CDC25B: variants seen among roughly 807,000 people sequenced by gnomAD.
CDC25B encodes cell division cycle 25B, also known as M-phase inducer phosphatase 2.
A neutral mutation model predicts 69.8 loss-of-function variants in CDC25B; 33 were observed. The observed-to-expected ratio is 0.47, with a 90% CI of 0.36 to 0.63. CDC25B has a LOEUF of 0.63. Among genes scored for constraint, CDC25B ranks in the 30% least tolerant of loss-of-function variants. CDC25B has a pLI of 0.00. For missense variants in CDC25B, 727 were observed against 809.1 expected, an observed-to-expected ratio of 0.90 and a Z score of 1.23; for synonymous variants, 341 against 314.6, an observed-to-expected ratio of 1.08 and a Z score of -0.89.
chr20:3,798,387 A>T, intron 2 of CDC25B, 25 bp from the exon 3 acceptor site: 1 of 1,435,044 alleles, frequency 7.0e-7, no homozygotes, highest in Non-Finnish European at 9.2e-7. Context: ...CACTACTTTC[A>T]AACCAAGGTG....
intron 9 of CDC25B, 49 bp downstream of exon 9, chr20:3,801,851 C>T: frequency 6.3e-7 from 1 of 1,583,492 alleles, no homozygotes; most frequent in Non-Finnish European, 8.6e-7. Flanking sequence ...TGGGGTCCAT[C>T]CTACTCTCCA....
At chr20:3,787,027 TTTG>T in exon 1 of CDC25B, 4 of 615,012 alleles carry the variant, frequency 6.5e-6, no homozygotes, top group South Asian at 3.7e-5. Context: ...AGGGTTTTTG[TTTG>T]TTTTTTTTTT....
intron 7 of CDC25B, 72 bp downstream of exon 7, chr20:3,801,165 AC>A: frequency 6.2e-7 from 1 of 1,604,108 alleles, no homozygotes; most frequent in Non-Finnish European, 8.5e-7. Context: ...GTGGCCCTGA[AC>A]CCCCAGGCAC....
chr20:3,796,855 G>T lies in CDC25B; in HGVS notation c.200+124G>T. 4 of 1,279,026 alleles carry T rather than the reference G, an allele frequency of 3.1e-6. No homozygotes were observed. In the South Asian group the frequency reaches 6.3e-5, roughly 20 times the overall value. 79.2% of individuals were successfully genotyped at this position (1,279,026 alleles called of 1,614,324 possible). ...GGAGTCCGGGGAGGCATCCTGAGCA[G>T]TGGAGAGGTACGCCCTTGTTCCCTC... On this transcript the variant is annotated intron_variant, in intron 1 of 15. Transcript: ENST00000245960.
At position 3,800,753 on chromosome 20, in the gene CDC25B, TG is replaced by T; in HGVS notation, c.473del (p.Gly158AlafsTer77). 1 of 1,609,576 alleles carries T rather than the reference TG, an allele frequency of 6.2e-7. No homozygotes were observed. On this transcript the variant is annotated frameshift_variant, in exon 6 of 16. Coordinates refer to ENST00000245960, the MANE Select transcript of CDC25B (RefSeq NM_021873.4). LOFTEE classifies it high-confidence loss of function. ...TGCCTGGCTCTCTAGGTGAGGCTGC[TG>T]GGCCACAGCCCCGTGCTTCGGAACA... ...RRFQSMPVRL[L>X]GHSPVLRNIT...
At position 3,790,549 on chromosome 20, in the gene CDC25B, C is replaced by T. The variant is rs115420254; in HGVS notation, c.8+3410C>T. 6.1e-3 allele frequency among the ~76,000 whole-genome samples: 915 copies of T among 150,518 alleles called. 16 individuals carry two copies. The highest frequency in any genetic ancestry group is 0.021 in the African/African-American group (873 of 41,148). ...AAAAGTTAACATCTCGGGCTGGGCA[C>T]GGTGGCTCACGCCTGTAATCCCAGC... On this transcript the variant is annotated intron_variant, in intron 1 of 15. Transcript: ENST00000344256.
intron 3 of CDC25B, among the ~76,000 whole-genome samples, chr20:3,799,534 G>GCGCGCGCGCGCGCGCGCT (rs1187727448): frequency 4.6e-5 from 7 of 150,888 alleles, no homozygotes; most frequent in African/African-American, 1.7e-4. Context: ...GTGCGCGCGC[G>GCGCGCGCGCGCGCGCGCT]CGCGTAGATG....
intron 5 of CDC25B, 59 bp downstream of exon 5, chr20:3,800,557 G>A (rs1308266124): frequency 1.3e-5 from 20 of 1,599,522 alleles, no homozygotes; most frequent in Non-Finnish European, 1.6e-5. Context: ...TGGGGTAGAT[G>A]AGCAGGATGC....
Position 3,803,046 on chromosome 20 carries a change from C to A in CDC25B, c.1258-62C>A. 1 of 1,589,186 alleles carries A rather than the reference C, an allele frequency of 6.3e-7. No individual in the cohort carries two copies. Among genetic ancestry groups the A allele is most frequent in the Non-Finnish European group, 8.6e-7 (1 of 1,157,348 alleles). On this transcript the variant is annotated intron_variant, in intron 12 of 15. Coordinates refer to ENST00000245960, the MANE Select transcript of CDC25B (RefSeq NM_021873.4). The surrounding 1 kb of genome is among the most constrained non-coding windows in gnomAD (Gnocchi z 4.9). ...ATTGTTGACCTTCCCTGGGGACAGG[C>A]TAGGGCCACCTGCCAGCTGCCAGCC...
upstream of CDC25B, among the ~76,000 whole-genome samples, chr20:3,792,495 C>T (rs1476755966): frequency 6.6e-6 from 1 of 151,312 alleles, no homozygotes; most frequent in Non-Finnish European, 1.5e-5. Context: ...GAGACGGAGT[C>T]TTGCTCTTTT....
At chr20:3,788,372 G>A (rs547624764) in intron 1 of CDC25B, among the ~76,000 whole-genome samples, 42 of 152,256 alleles carry the variant, frequency 2.8e-4, no homozygotes, top group African/African-American at 7.5e-4. Context: ...TGACTTTTAG[G>A]AGCTCTTTAC....
chr20:3,805,360 C>A lies in CDC25B; in HGVS notation c.*399C>A, dbSNP rs1218542030. ...TCCCTGAGGATGGGTCAGAGCTAAACTCCTTCCTGGCCTGAGAGTCAGCTC... is the reference window on the plus strand; with the variant it reads ...TCCCTGAGGATGGGTCAGAGCTAAAATCCTTCCTGGCCTGAGAGTCAGCTC... On this transcript the variant is annotated 3_prime_UTR_variant, in exon 16 of 16. Transcript: ENST00000245960. 7 of 269,972 alleles carry A rather than the reference C, an allele frequency of 2.6e-5. No individual in the cohort carries two copies. Among genetic ancestry groups the A allele is most frequent in the Non-Finnish European group, 3.6e-5 (5 of 140,648 alleles). The allele number at this position is 269,972 out of a possible 1,614,324, so 16.7% of individuals were successfully genotyped here. A position where few individuals can be genotyped will look rare whatever the true frequency, so the allele number is the denominator to read the frequency against.
rs745475188 is a variant in CDC25B, at chr20:3,802,381, C to T, written c.1194+5C>T. 1.3e-6 allele frequency: 2 copies of T among 1,599,772 alleles called. No individual in the cohort carries two copies. Among genetic ancestry groups the T allele is most frequent in the South Asian group, 2.2e-5 (2 of 90,904 alleles). On this transcript the variant is annotated splice_donor_5th_base_variant and intron_variant, in intron 11 of 15. Coordinates refer to ENST00000245960, the MANE Select transcript of CDC25B (RefSeq NM_021873.4). ...CTGATTGGAGATTACTCTAAGGTAC[C>T]TGCAGCAGCGAAGGGGGTACCTTGG... is the stretch of plus-strand genomic sequence containing the variant.
intron 11 of CDC25B, among the ~76,000 whole-genome samples, 156 bp downstream of exon 11, chr20:3,802,532 C>T (rs530134265): frequency 3.3e-5 from 5 of 152,276 alleles, no homozygotes; most frequent in Non-Finnish European, 7.4e-5. Context: ...CACATAGACT[C>T]CTCCCTCTGG....
chr20:3,799,093 G>A (rs1468778809), intron 3 of CDC25B, among the ~76,000 whole-genome samples: 1 of 152,214 alleles, frequency 6.6e-6, no homozygotes. Flanking sequence ...AGTTGTTAAA[G>A]CCCAAGCAGC....
Position 3,801,068 on chromosome 20 carries a change from G to A in CDC25B, c.680G>A (p.Arg227Lys). Residue 227 changes from arginine to lysine, a missense_variant, in exon 7 of 16, where the codon AGA (arginine) becomes AAA (lysine). Physicochemically the swap from Arg to Lys is conservative, Grantham distance 26 (BLOSUM62 2). Coordinates refer to ENST00000245960, the MANE Select transcript of CDC25B (RefSeq NM_021873.4). ...WASRREAFAQ[R>K]PSSAPDLMCL... is the part of the protein sequence containing the mutation. Reference sequence around the variant, plus strand: ...AGCCGCAGGGAAGCCTTTGCCCAGAGACCCAGCTCGGCCCCCGACCTGATG... The same window carrying A: ...AGCCGCAGGGAAGCCTTTGCCCAGAAACCCAGCTCGGCCCCCGACCTGATG... The A allele has an allele frequency of 6.2e-7, 1 of 1,614,074 alleles. No homozygotes were observed. The highest frequency in any genetic ancestry group is 8.5e-7 in the Non-Finnish European group (1 of 1,179,936).
rs1422352765 is a variant in CDC25B at position 3,796,424 on chromosome 20, C to G, written c.-108C>G. 5 of 181,018 alleles carry G rather than the reference C, an allele frequency of 2.8e-5. 1 individual carries two copies. Among genetic ancestry groups the G allele is most frequent in the Non-Finnish European group, 5.0e-5 (5 of 100,304 alleles). 11.2% of individuals were successfully genotyped at this position (181,018 alleles called of 1,614,324 possible). ...CTCTTCCTCCCTCCCTCCTTCCCCCCCCCCCCACCCCTCGCCCGCTGCCTC... is the reference window on the plus strand; with the variant it reads ...CTCTTCCTCCCTCCCTCCTTCCCCCGCCCCCCACCCCTCGCCCGCTGCCTC... On this transcript the variant is annotated 5_prime_UTR_variant, in exon 1 of 16. Transcript: ENST00000245960.
chr20:3,795,691 AC>A, upstream of CDC25B: 1 of 985,296 alleles, frequency 1.0e-6, no homozygotes, highest in Non-Finnish European at 1.2e-6. Flanking sequence ...TGGGGGCCCC[AC>A]TGCCCTCCCA....
intron 1 of CDC25B, chr20:3,787,158 T>C: frequency 1.5e-6 from 1 of 658,954 alleles, no homozygotes; most frequent in Admixed American, 2.4e-5. Flanking sequence ...TTGATACATT[T>C]CCTTCCAGTC....
Sources: allele counts gnomAD v4.1 joint callset (sites outside exome capture counted in the v4.1 genomes callset), GRCh38; gene constraint gnomAD v4.1.1; non-coding constraint Gnocchi (gnomAD v3.1); transcripts MANE v1.5; gene names NCBI Gene and HGNC (gene_info 2026-07-23, HGNC 2026-07-21).